The following PRKCE variants were observed in gnomAD, a reference collection of about 807,000 sequenced individuals.
PRKCE encodes protein kinase C epsilon type.
A neutral mutation model predicts 85.4 loss-of-function variants in PRKCE; 16 were observed. The observed-to-expected ratio is 0.19, with a 90% CI of 0.13 to 0.28. The LOEUF (loss-of-function observed/expected upper bound fraction) is 0.28, where lower values mean the gene tolerates loss of function less well. PRKCE is among the 10% of genes least tolerant of loss of function. PRKCE has a pLI of 1.00. For synonymous variants in PRKCE, 388 were observed against 371.5 expected (o/e 1.04, Z -0.51); for missense variants, 573 against 975.2 (o/e 0.59, Z 5.49).
At chr2:45,884,465 C>T (rs1573740612) in intron 2 of PRKCE, among the ~76,000 whole-genome samples, 1 of 152,286 alleles carries the variant, frequency 6.6e-6, no homozygotes, top group Non-Finnish European at 1.5e-5. Flanking sequence ...TGGTCTTAGG[C>T]AAGTCCTCCA....
In PRKCE at chr2:46,133,816, A is replaced by G. The variant is rs1674697056; in HGVS notation, c.1593-11277A>G. ...GAGGAAACCAATAATGCTCAAGGCA[A>G]TAAGCAAAATAATGACAAGTTGTCA... On this transcript the variant is annotated intron_variant, in intron 11 of 14. Coordinates refer to ENST00000306156, the MANE Select transcript of PRKCE (RefSeq NM_005400.3). 2.0e-5 allele frequency among the ~76,000 whole-genome samples: 3 copies of G among 152,238 alleles called. No individual in the cohort carries two copies. In the South Asian group the frequency reaches 6.2e-4, roughly 32 times the overall value.
rs773797538 is a variant in PRKCE, at chr2:46,151,049, G to A, written c.1740G>A (p.Gln580=). The part of the protein sequence containing the change: ...TPDYIAPEIL[Q]ELEYGPSVDW... ...GCTGGTTTCCTGAACAGATCCTGCA[G>A]GAGTTGGAGTATGGCCCCTCCGTGG... Residue 580 remains glutamine, a synonymous_variant, in exon 13 of 15, where the codon CAG becomes CAA. Coordinates refer to ENST00000306156, the MANE Select transcript of PRKCE (RefSeq NM_005400.3). 1 of 1,598,366 alleles carries A rather than the reference G, an allele frequency of 6.3e-7. No homozygotes were observed. The highest frequency in any genetic ancestry group is 1.1e-5 in the South Asian group (1 of 90,972).
intron 1 of PRKCE, among the ~76,000 whole-genome samples, chr2:45,689,107 G>T (rs1418260677): frequency 1.3e-5 from 2 of 152,238 alleles, no homozygotes; most frequent in Non-Finnish European, 2.9e-5. Context: ...GGTTAAAGAA[G>T]CCTATTAAGT....
chr2:45,982,173 G>A (rs1442098686), intron 5 of PRKCE, among the ~76,000 whole-genome samples: 1 of 152,194 alleles, frequency 6.6e-6, no homozygotes. Flanking sequence ...TGCTTCCAGA[G>A]GCCAGTCTCC....
At chr2:46,084,030 C>T (rs1475852594) in intron 10 of PRKCE, among the ~76,000 whole-genome samples, 2 of 152,088 alleles carry the variant, frequency 1.3e-5, no homozygotes, top group Admixed American at 6.5e-5. Context: ...CTGGGGTTGG[C>T]GAGAGCATTT....
At chr2:45,654,268 C>T (rs1675279288) in intron 1 of PRKCE, among the ~76,000 whole-genome samples, 1 of 152,214 alleles carries the variant, frequency 6.6e-6, no homozygotes, top group Admixed American at 6.5e-5. Flanking sequence ...TGGGGCACAC[C>T]CCAAACTCTG....
chr2:45,750,112 G>A (rs1248578094), intron 1 of PRKCE, among the ~76,000 whole-genome samples: 2 of 152,198 alleles, frequency 1.3e-5, no homozygotes, highest in African/African-American at 4.8e-5. Flanking sequence ...GGTGCATCCT[G>A]TTAGGGTTTT....
chr2:45,856,696 C>T (rs1481436815), intron 2 of PRKCE, among the ~76,000 whole-genome samples: 1 of 152,204 alleles, frequency 6.6e-6, no homozygotes, highest in Non-Finnish European at 1.5e-5. Context: ...AACTTCCCTC[C>T]ATCCCCCCTG....
intron 2 of PRKCE, among the ~76,000 whole-genome samples, chr2:45,861,347 C>T (rs1693146304): frequency 6.6e-6 from 1 of 152,106 alleles, no homozygotes; most frequent in South Asian, 2.1e-4. Flanking sequence ...TTATGCTGAA[C>T]ACAGTGAAAA....
intron 11 of PRKCE, among the ~76,000 whole-genome samples, chr2:46,093,751 G>A (rs992922408): frequency 4.6e-5 from 7 of 151,952 alleles, no homozygotes; most frequent in Non-Finnish European, 1.0e-4. Flanking sequence ...CTACCACTGT[G>A]GAAAATGAGG....
intron 10 of PRKCE, among the ~76,000 whole-genome samples, chr2:46,035,735 A>G (rs1707819096): frequency 6.6e-6 from 1 of 152,260 alleles, no homozygotes; most frequent in East Asian, 1.9e-4. Flanking sequence ...GTAAGTGTAT[A>G]TACATAAACA....
At chr2:45,936,332 T>G (rs1314178139) in intron 2 of PRKCE, among the ~76,000 whole-genome samples, 2 of 152,182 alleles carry the variant, frequency 1.3e-5, no homozygotes, top group African/African-American at 4.8e-5. Context: ...CAGGAACCCG[T>G]GCCCCAGCCA....
At chr2:45,854,179 G>C (rs192023841) in intron 2 of PRKCE, among the ~76,000 whole-genome samples, 1 of 152,324 alleles carries the variant, frequency 6.6e-6, no homozygotes, top group Non-Finnish European at 1.5e-5. Flanking sequence ...GACCTGGCCC[G>C]GTGCAGTGTG....
At position 46,184,870 on chromosome 2, in the gene PRKCE, C is replaced by A; in HGVS notation, c.2203C>A (p.Leu735Met). ...AGGTTTCTCCTACTTTGGTGAAGAC[C>A]TGATGCCCTGAGAGCCCACTGCAGT... ...FKGFSYFGED[L>M]MP The change falls in exon 15 of 15, where the codon CTG (leucine) becomes ATG (methionine). Residue 735 changes from leucine to methionine, a missense_variant. This residue lies in a region of PRKCE where 45 missense variants were observed against 39.1 expected (regional missense o/e 1.15). Coordinates refer to ENST00000306156, the MANE Select transcript of PRKCE (RefSeq NM_005400.3). The surrounding 1 kb of genome is among the most constrained non-coding windows in gnomAD (Gnocchi z 5.0). 1 of 1,599,774 alleles carries A rather than the reference C, an allele frequency of 6.3e-7. No individual in the cohort carries two copies.
intron 2 of PRKCE, among the ~76,000 whole-genome samples, chr2:45,864,734 G>A (rs767173219): frequency 6.6e-6 from 1 of 152,180 alleles, no homozygotes; most frequent in Non-Finnish European, 1.5e-5. Context: ...ATGTATAATT[G>A]TTTGCGTGGG....
At chr2:46,171,555 G>A (rs1374675497) in intron 14 of PRKCE, among the ~76,000 whole-genome samples, 5 of 152,202 alleles carry the variant, frequency 3.3e-5, no homozygotes, top group African/African-American at 1.2e-4. Flanking sequence ...CTCGGGGTCA[G>A]AACAAGCTGA....
At chr2:45,753,209 C>T (rs146696889) in intron 1 of PRKCE, among the ~76,000 whole-genome samples, 1 of 152,146 alleles carries the variant, frequency 6.6e-6, no homozygotes, top group Non-Finnish European at 1.5e-5. Flanking sequence ...TAAAAATGCA[C>T]TAATTCCACC....
In PRKCE at chr2:46,064,280, CAAAAAA is replaced by C. The variant is rs58347072; in HGVS notation, c.1438-21911_1438-21906del. Among the ~76,000 whole-genome samples, 6 of 90,844 alleles carry C rather than the reference CAAAAAA, an allele frequency of 6.6e-5. No homozygotes were observed. In the East Asian group the frequency reaches 1.4e-3, roughly 22 times the overall value. The allele number at this position is 90,844 out of a possible 152,430, so 59.6% of individuals were successfully genotyped here. ...TGGGTGACAGAGTGAGACTCTGTCT[CAAAAAA>C]AAAAAAAAAAAAAAAAGAAAAAGAA... On this transcript the variant is annotated intron_variant, in intron 10 of 14. Transcript: ENST00000306156.
intron 1 of PRKCE, among the ~76,000 whole-genome samples, chr2:45,806,289 T>C (rs1160461529): frequency 1.3e-5 from 2 of 152,230 alleles, no homozygotes; most frequent in African/African-American, 4.8e-5. Flanking sequence ...ACAGCTTTGC[T>C]GGTCCATGAT....
Sources: gnomAD v4.1 joint callset for allele counts (sites outside exome capture counted in the v4.1 genomes callset) on GRCh38, gnomAD v4.1.1 for gene constraint, gnomAD v4.1.1 regional missense constraint, Gnocchi (gnomAD v3.1) non-coding constraint, MANE v1.5 for transcripts, NCBI Gene and HGNC (gene_info 2026-07-23, HGNC 2026-07-21) for gene names.